TPD52: variants seen among roughly 807,000 people sequenced by gnomAD.
The protein encoded by TPD52 is prostate and colon associated protein.
A neutral mutation model predicts 31.3 loss-of-function variants in TPD52; 17 were observed. That is an observed-to-expected ratio of 0.54 (90% CI 0.37 to 0.82). The LOEUF (loss-of-function observed/expected upper bound fraction) is 0.82. Ranked by LOEUF, TPD52 falls within the 40% of genes least tolerant of loss-of-function variation. TPD52 has a pLI of 0.00. For synonymous variants in TPD52, 83 were observed against 89.6 expected (o/e 0.93, Z 0.42); for missense variants, 212 against 240.1 (o/e 0.88, Z 0.77).
At chr8:80,091,197 G>A (rs142223505) in intron 1 of TPD52, among the ~76,000 whole-genome samples, 2,033 of 152,250 alleles carry the variant, frequency 0.013, 49 homozygotes, top group East Asian at 0.064. Context: ...GAGGCTGGGC[G>A]CAGTGGCTCA....
At chr8:80,154,752 C>CAAAAAA (rs375987876) in intron 1 of TPD52, among the ~76,000 whole-genome samples, 1 of 139,374 alleles carries the variant, frequency 7.2e-6, no homozygotes, top group Non-Finnish European at 1.6e-5. Context: ...CACACACACA[C>CAAAAAA]AAAACACCTA....
chr8:80,154,758 A>C (rs1810834828), intron 1 of TPD52, among the ~76,000 whole-genome samples: 1 of 140,810 alleles, frequency 7.1e-6, no homozygotes, highest in Admixed American at 7.3e-5. Flanking sequence ...CACACAAAAC[A>C]CCTACATTAG....
intron 1 of TPD52, among the ~76,000 whole-genome samples, chr8:80,072,345 G>GTGTGTGTGTGTGTGTA (rs1554582886): frequency 6.7e-6 from 1 of 150,260 alleles, no homozygotes; most frequent in African/African-American, 2.5e-5. Context: ...GTGTGTGTGT[G>GTGTGTGTGTGTGTGTA]TGTATGTGTG....
downstream of TPD52, among the ~76,000 whole-genome samples, chr8:80,031,148 CAGTT>C (rs1809684057): frequency 2.1e-5 from 3 of 145,944 alleles, no homozygotes; most frequent in East Asian, 1.9e-4. Context: ...TATTAATCCA[CAGTT>C]AGTTTTATTT....
At position 80,051,533 on chromosome 8, in the gene TPD52, T is replaced by C; in HGVS notation, c.380A>G (p.Asp127Gly). The change falls in exon 4 of 8, where the codon GAT becomes GGT. Residue 127 changes from aspartate (D) to glycine (G), a missense_variant. Transcript: ENST00000518937. Reference protein sequence around the residue: ...VGSVITKKLEDVKLQAFSHSF... With the variant: ...VGSVITKKLEGVKLQAFSHSF... Reference sequence around the variant, plus strand: ...AGGAAAAATGAGGACATACTTTACATCTTCCAGCTTTTTGGTGATGACTGA... The same window carrying C: ...AGGAAAAATGAGGACATACTTTACACCTTCCAGCTTTTTGGTGATGACTGA... 1 of 1,613,714 alleles carries C rather than the reference T, an allele frequency of 6.2e-7. No homozygotes were observed. Among genetic ancestry groups the C allele is most frequent in the African/African-American group, 1.3e-5 (1 of 75,016 alleles).
At chr8:80,066,378 C>A (rs915957255) in intron 1 of TPD52, among the ~76,000 whole-genome samples, 2 of 152,220 alleles carry the variant, frequency 1.3e-5, no homozygotes, top group Admixed American at 1.3e-4. Context: ...ATAAAAGTAA[C>A]ACAAAAAATT....
intron 5 of TPD52, among the ~76,000 whole-genome samples, chr8:80,048,153 G>A (rs188446426): frequency 2.0e-5 from 3 of 152,258 alleles, no homozygotes; most frequent in African/African-American, 7.2e-5. Flanking sequence ...TCATGACCAC[G>A]TCCTCCTTGG....
At chr8:80,141,744 T>C (rs919362574) in intron 1 of TPD52, among the ~76,000 whole-genome samples, 2 of 152,062 alleles carry the variant, frequency 1.3e-5, no homozygotes, top group Non-Finnish European at 2.9e-5. Context: ...ATCCCGTCTC[T>C]ACTAAAAATA....
At chr8:80,115,760 T>C (rs1807820982) in intron 1 of TPD52, among the ~76,000 whole-genome samples, 1 of 152,168 alleles carries the variant, frequency 6.6e-6, no homozygotes, top group South Asian at 2.1e-4. Flanking sequence ...ATGGCAGTAA[T>C]ACCGTGTGAT....
Position 80,038,127 on chromosome 8 carries a change from C to A in TPD52, c.613G>T (p.Glu205Ter). 6.2e-7 allele frequency: 1 copy of A among 1,614,088 alleles called. No individual in the cohort carries two copies. ...CAAAGGTAGGAATCTCACAGGCTCT[C>A]CTGTGTCTTTTCTGGAAGAGGCTCC... The part of the protein sequence containing the change: ...TTEPLPEKTQ[E>*]SL The change falls in exon 8 of 8, where the codon GAG (glutamate) becomes TAG (stop). Residue 205 changes from glutamate (E) to a stop codon, truncating the protein, a stop_gained. Coordinates refer to ENST00000518937, the MANE Select transcript of TPD52 (RefSeq NM_001025253.3). LOFTEE classifies it high-confidence loss of function.
intron 6 of TPD52, 39 bp downstream of exon 6, chr8:80,044,128 A>G: frequency 1.3e-6 from 2 of 1,533,246 alleles, no homozygotes; most frequent in Admixed American, 2.0e-5. Flanking sequence ...AGAAAAATAA[A>G]GCATAAGACC....
intron 1 of TPD52, among the ~76,000 whole-genome samples, chr8:80,120,270 A>C (rs1257023701): frequency 6.6e-6 from 1 of 152,138 alleles, no homozygotes; most frequent in Non-Finnish European, 1.5e-5. Context: ...CAGGTGGATC[A>C]CCTGAGGTCA....
At chr8:80,080,871 A>ATTG in intron 1 of TPD52, 1 of 573,242 alleles carries the variant, frequency 1.7e-6, no homozygotes, top group Non-Finnish European at 2.2e-6. Flanking sequence ...TTTAAAATAA[A>ATTG]TAAATAAAAA....
intron 1 of TPD52, among the ~76,000 whole-genome samples, chr8:80,154,289 A>C (rs1586407749): frequency 6.6e-6 from 1 of 152,074 alleles, no homozygotes; most frequent in Non-Finnish European, 1.5e-5. Context: ...GGCTCCCAGG[A>C]CTCCTGTGGA....
At chr8:80,051,788 T>A in intron 3 of TPD52, 160 bp from the exon 4 acceptor site, 1 of 591,308 alleles carries the variant, frequency 1.7e-6, no homozygotes, top group East Asian at 3.0e-5. Flanking sequence ...CAGAGCGGCA[T>A]CACCACATCT....
At chr8:80,170,568 A>C (rs1586441651) in intron 1 of TPD52, among the ~76,000 whole-genome samples, 1 of 152,318 alleles carries the variant, frequency 6.6e-6, no homozygotes, top group East Asian at 1.9e-4. Flanking sequence ...TCAAAACAGG[A>C]GTGATTCCTA....
At chr8:80,134,326 T>C (rs1809239856) in intron 1 of TPD52, among the ~76,000 whole-genome samples, 1 of 152,242 alleles carries the variant, frequency 6.6e-6, no homozygotes, top group Non-Finnish European at 1.5e-5. Context: ...TGGGCTCACC[T>C]TTACAAGAGG....
chr8:80,078,998 C>T (rs765262973), intron 1 of TPD52, among the ~76,000 whole-genome samples: 8 of 152,134 alleles, frequency 5.3e-5, no homozygotes, highest in Non-Finnish European at 1.0e-4. Flanking sequence ...GCTTGCACAC[C>T]GATCAAGGTC....
At chr8:80,082,118 C>CTTT (rs376859746) in intron 1 of TPD52, among the ~76,000 whole-genome samples, 1 of 140,262 alleles carries the variant, frequency 7.1e-6, no homozygotes, top group African/African-American at 2.6e-5. Context: ...TATGGTAAGT[C>CTTT]TTTTTTTTTT....
Sources: allele counts gnomAD v4.1 joint callset (sites outside exome capture counted in the v4.1 genomes callset), GRCh38; gene constraint gnomAD v4.1.1; transcripts MANE v1.5; gene names NCBI Gene and HGNC (gene_info 2026-07-23, HGNC 2026-07-21).